Variants in OR2C1 observed in about 807,000 individuals in gnomAD.
The protein encoded by OR2C1 is olfactory receptor 2C1.
For missense variants in OR2C1, 468 were observed against 388.3 expected, an observed-to-expected ratio of 1.21 and a Z score of -1.73; for synonymous variants, 209 against 167.3, an observed-to-expected ratio of 1.25 and a Z score of -1.92.
chr16:3,353,548 C>A (rs984183961), upstream of OR2C1, among the ~76,000 whole-genome samples: 1 of 149,854 alleles, frequency 6.7e-6, no homozygotes, highest in African/African-American at 2.5e-5. Flanking sequence ...TGCTTGTAAT[C>A]CCAACACTTT....
chr16:3,341,350 G>T, the OR2C1 span, among the ~76,000 whole-genome samples: 1 of 151,936 alleles, frequency 6.6e-6, no homozygotes, highest in Non-Finnish European at 1.5e-5. Context: ...TTTTATGTGG[G>T]TTCTTTGGGA....
upstream of OR2C1, among the ~76,000 whole-genome samples, chr16:3,352,366 C>T (rs138382287): frequency 0.036 from 5,510 of 152,234 alleles, 153 homozygotes; most frequent in Middle Eastern, 0.058. Flanking sequence ...CCACCCGCCT[C>T]GGCCTCCCAA....
the OR2C1 span, among the ~76,000 whole-genome samples, chr16:3,345,544 A>T: frequency 2.0e-5 from 3 of 152,058 alleles, no homozygotes; most frequent in Non-Finnish European, 4.4e-5. Context: ...TTTTACAAGG[A>T]TACACATACA....
Position 3,356,453 on chromosome 16 carries a change from C to T in OR2C1, c.513C>T (p.His171=). ...TFTLQLPLCG[H]RRVEGFLCEV... ...CTCTGCAGCTCCCATTGTGTGGGCACCGGAGGGTGGAGGGATTCCTCTGCG... is the reference window on the plus strand; with the variant it reads ...CTCTGCAGCTCCCATTGTGTGGGCATCGGAGGGTGGAGGGATTCCTCTGCG... Residue 171 remains histidine, a synonymous_variant, in exon 1 of 1, where the codon CAC becomes CAT. Coordinates refer to ENST00000304936, the MANE Select transcript of OR2C1 (RefSeq NM_012368.3). 1 of 1,614,000 alleles carries T rather than the reference C, an allele frequency of 6.2e-7. No individual in the cohort carries two copies. Among genetic ancestry groups the T allele is most frequent in the African/African-American group, 1.3e-5 (1 of 75,054 alleles).
At chr16:3,355,222 A>G (rs12926435), upstream of OR2C1, among the ~76,000 whole-genome samples, 128,393 of 151,212 alleles carry the variant, frequency 0.85, 54,599 homozygotes, top group South Asian at 0.93. Context: ...CAGCTTTTTG[A>G]GAGGCTGAGG....
chr16:3,347,332 C>T, the OR2C1 span, among the ~76,000 whole-genome samples: 4 of 150,346 alleles, frequency 2.7e-5, no homozygotes, highest in Admixed American at 2.7e-4. Context: ...GAATTGGAGG[C>T]TTCTGTGAGC....
chr16:3,329,211 C>CACACACACACACACAG, the OR2C1 span, among the ~76,000 whole-genome samples: 1 of 150,632 alleles, frequency 6.6e-6, no homozygotes, highest in Admixed American at 6.6e-5. Context: ...CACACACACA[C>CACACACACACACACAG]ACAGCTTAGC....
In OR2C1 at chr16:3,356,998, C is replaced by T. The variant is rs970152319; in HGVS notation, c.*119C>T. The T allele has an allele frequency of 9.3e-6, 8 of 861,172 alleles. No homozygotes were observed. Among genetic ancestry groups the T allele is most frequent in the South Asian group, 1.8e-5 (1 of 55,356 alleles). The allele number at this position is 861,172 out of a possible 1,614,324, so 53.3% of individuals were successfully genotyped here. On this transcript the variant is annotated 3_prime_UTR_variant, in exon 1 of 1. Transcript: ENST00000304936. The stretch of plus-strand genomic sequence containing the variant: ...CGGTAAAACCAAGGCATGTTCCTGA[C>T]AGCCCTAAGCTGACAGCCCTAAGCT...
chr16:3,341,879 A>T, the OR2C1 span, among the ~76,000 whole-genome samples: 13 of 152,182 alleles, frequency 8.5e-5, no homozygotes, highest in Non-Finnish European at 1.8e-4. Context: ...TGGGGCTGAA[A>T]GTTCCAAGCT....
the OR2C1 span, among the ~76,000 whole-genome samples, chr16:3,335,837 A>C: frequency 8.6e-3 from 1,304 of 152,276 alleles, 12 homozygotes; most frequent in African/African-American, 0.025. Context: ...AGGTTTTTCT[A>C]AATGTAAGAT....
chr16:3,332,516 C>A, the OR2C1 span, among the ~76,000 whole-genome samples: 26 of 152,060 alleles, frequency 1.7e-4, 2 homozygotes, highest in South Asian at 3.7e-3. Flanking sequence ...TCCTCCCCCC[C>A]ACTACCCTTC....
At chr16:3,342,393 C>G in the OR2C1 span, among the ~76,000 whole-genome samples, 3 of 152,336 alleles carry the variant, frequency 2.0e-5, no homozygotes, top group Admixed American at 2.0e-4. Context: ...ATGTCTGTAA[C>G]TGCCAAAGTT....
the OR2C1 span, among the ~76,000 whole-genome samples, chr16:3,346,136 A>G: frequency 2.6e-5 from 4 of 151,906 alleles, no homozygotes; most frequent in African/African-American, 9.7e-5. Flanking sequence ...GCTCAGCCTG[A>G]TTTTTCTTCA....
the OR2C1 span, among the ~76,000 whole-genome samples, chr16:3,345,123 C>T: frequency 3.3e-5 from 5 of 151,898 alleles, no homozygotes; most frequent in African/African-American, 1.2e-4. Flanking sequence ...ACAACCTGGA[C>T]GTACCTTTGA....
chr16:3,336,230 G>T, the OR2C1 span, among the ~76,000 whole-genome samples: 1 of 152,106 alleles, frequency 6.6e-6, no homozygotes, highest in African/African-American at 2.4e-5. Context: ...TTATTGATTT[G>T]TATCCCTGGG....
chr16:3,332,246 A>T, the OR2C1 span, among the ~76,000 whole-genome samples: 2 of 151,780 alleles, frequency 1.3e-5, no homozygotes, highest in African/African-American at 2.4e-5. Flanking sequence ...TTAAAAAAAT[A>T]AATAAATAAT....
chr16:3,323,260 C>T, the OR2C1 span: 2 of 801,962 alleles, frequency 2.5e-6, no homozygotes, highest in Non-Finnish European at 2.2e-6. Context: ...TTGAGGAAGC[C>T]CACTGTATTT....
Position 3,356,354 on chromosome 16 carries a change from C to A in OR2C1, c.414C>A (p.Pro138=). The A allele has an allele frequency of 6.2e-7, 1 of 1,613,640 alleles. No homozygotes were observed. Among genetic ancestry groups the A allele is most frequent in the Non-Finnish European group, 8.5e-7 (1 of 1,180,026 alleles). ...RPLRYTAIMN[P]QLCWLLAVIA... ...TCCGCTACACCGCCATCATGAACCCCCAGCTCTGCTGGCTGCTGGCTGTGA... is the reference window on the plus strand; with the variant it reads ...TCCGCTACACCGCCATCATGAACCCACAGCTCTGCTGGCTGCTGGCTGTGA... The change falls in exon 1 of 1, where the codon CCC becomes CCA. Residue 138 remains proline, a synonymous_variant. Coordinates refer to ENST00000304936, the MANE Select transcript of OR2C1 (RefSeq NM_012368.3).
the OR2C1 span, among the ~76,000 whole-genome samples, chr16:3,335,678 C>G: frequency 1.3e-5 from 2 of 151,962 alleles, no homozygotes; most frequent in African/African-American, 2.4e-5. Context: ...AGGCGCCCAC[C>G]ACCACATCCA....
Sources: allele counts gnomAD v4.1 joint callset (sites outside exome capture counted in the v4.1 genomes callset), GRCh38; gene constraint gnomAD v4.1.1; transcripts MANE v1.5; gene names NCBI Gene and HGNC (gene_info 2026-07-23, HGNC 2026-07-21).